COQ8A: variants seen among roughly 807,000 people sequenced by gnomAD.
COQ8A encodes coenzyme Q8A.
A neutral mutation model predicts 65.0 loss-of-function variants in COQ8A; 51 were observed. The observed-to-expected ratio is 0.78, with a 90% CI of 0.63 to 0.99. The LOEUF is 0.99. Ranked by LOEUF, COQ8A falls within the 50% of genes least tolerant of loss-of-function variation. COQ8A has a pLI of 0.00. For synonymous variants in COQ8A, 371 were observed against 353.2 expected, an observed-to-expected ratio of 1.05 and a Z score of -0.57; for missense variants, 940 against 875.0, an observed-to-expected ratio of 1.07 and a Z score of -0.94.
chr1:226,961,679 GCCCACCAGCTAATGTGT>G (rs1160786857), intron 2 of COQ8A, 117 bp downstream of exon 2: 1 of 1,275,882 alleles, frequency 7.8e-7, no homozygotes, highest in Non-Finnish European at 1.1e-6. Flanking sequence ...GGGCCTGAGG[GCCCACCAGCTAATGTGT>G]CCCACGGTCC....
At position 226,983,568 on chromosome 1, in the gene COQ8A, A is replaced by G. The variant is rs759470563; in HGVS notation, c.1097A>G (p.Gln366Arg). 11 of 1,613,806 alleles carry G rather than the reference A, an allele frequency of 6.8e-6. No homozygotes were observed. The African/African-American group carries it at 1.3e-4, about 20-fold the overall frequency. Residue 366 changes from glutamine (Q) to arginine (R), a missense_variant, in exon 9 of 15, where the codon CAG becomes CGG. Coordinates refer to ENST00000366777, the MANE Select transcript of COQ8A (RefSeq NM_020247.5). ...AMKIQYPGVA[Q>R]SINSDVNNLM... The stretch of plus-strand genomic sequence containing the variant: ...CCCCCACAGTACCCTGGCGTGGCCC[A>G]GAGCATCAACAGTGATGTCAACAAC...
At chr1:226,986,130 G>T (rs1660093223) in intron 14 of COQ8A, among the ~76,000 whole-genome samples, 1 of 152,152 alleles carries the variant, frequency 6.6e-6, no homozygotes, top group Non-Finnish European at 1.5e-5. Flanking sequence ...GGGAGGCCCT[G>T]CCAGCTTAGG....
intron 1 of COQ8A, among the ~76,000 whole-genome samples, chr1:226,945,986 T>G (rs1657018370): frequency 6.6e-6 from 1 of 152,064 alleles, no homozygotes; most frequent in African/African-American, 2.4e-5. Flanking sequence ...GTTCCCCTGG[T>G]GCTCAGCCTC....
At chr1:226,969,909 C>A (rs753416932) in intron 4 of COQ8A, among the ~76,000 whole-genome samples, 4 of 152,148 alleles carry the variant, frequency 2.6e-5, no homozygotes, top group Non-Finnish European at 4.4e-5. Flanking sequence ...TTATGTCCCC[C>A]TTTTTCTCAC....
At chr1:226,982,003 G>T in intron 5 of COQ8A, 24 bp from the exon 6 acceptor site, 1 of 1,612,864 alleles carries the variant, frequency 6.2e-7, no homozygotes, top group Non-Finnish European at 8.5e-7. Flanking sequence ...GAGTGCCGTG[G>T]TGACCCCTCT....
rs757723063 is a variant in COQ8A at position 226,986,645 on chromosome 1, C to T, written c.1852C>T (p.Leu618Phe). ...SLHRKMGGSF[L>F]ICSKLKARFP... Reference sequence around the variant, plus strand: ...GCACAGGAAGATGGGGGGCTCCTTCCTCATCTGCTCCAAGCTGAAGGCCCG... The same window carrying T: ...GCACAGGAAGATGGGGGGCTCCTTCTTCATCTGCTCCAAGCTGAAGGCCCG... The change falls in exon 15 of 15, where the codon CTC becomes TTC. Residue 618 changes from leucine (L) to phenylalanine (F), a missense_variant. By Grantham distance (22) the Leu-to-Phe change is conservative (BLOSUM62 0). Transcript: ENST00000366777. 1.2e-5 allele frequency: 19 copies of T among 1,614,100 alleles called. No individual in the cohort carries two copies. Among genetic ancestry groups the T allele is most frequent in the Non-Finnish European group, 1.4e-5 (17 of 1,180,028 alleles).
intron 10 of COQ8A, 59 bp from the exon 11 acceptor site, chr1:226,984,035 G>T (rs1049464882): frequency 5.6e-5 from 69 of 1,242,200 alleles, no homozygotes; most frequent in African/African-American, 3.0e-4. Context: ...GGGTGTGTGT[G>T]GGGGGGGGGA....
chr1:226,979,932 A>G lies in COQ8A; in HGVS notation c.731-2095A>G, dbSNP rs562636659. ...TCCTCTCCAAAGCTGGCTGTTCTCC[A>G]GACTACCTCATCCAAGCAGGGAAGA... On this transcript the variant is annotated intron_variant, in intron 5 of 14. Transcript: ENST00000366777. Among the ~76,000 whole-genome samples the G allele has an allele frequency of 3.3e-5, 5 of 152,304 alleles. No individual in the cohort carries two copies. The East Asian group carries it at 9.7e-4, about 29-fold the overall frequency.
Position 226,955,357 on chromosome 1 carries a change from T to TCACTCTCCCTGGCTCC in COQ8A, c.-9-5989_-9-5974dup, listed in dbSNP as rs1386174787. Among the ~76,000 whole-genome samples the TCACTCTCCCTGGCTCC allele has an allele frequency of 9.4e-4, 138 of 146,220 alleles. 3 individuals are homozygous for TCACTCTCCCTGGCTCC. The highest frequency in any genetic ancestry group is 2.9e-3 in the African/African-American group (112 of 39,154). On this transcript the variant is annotated intron_variant, in intron 1 of 14. Coordinates refer to ENST00000366777, the MANE Select transcript of COQ8A (RefSeq NM_020247.5). ...CTCCCTGGCTCCCGCTTTTCCTGGTTCACTCTCCCTGGCTCCCACTCTCCC... is the reference window on the plus strand; with the variant it reads ...CTCCCTGGCTCCCGCTTTTCCTGGTTCACTCTCCCTGGCTCCCACTCTCCCTGGCTCCCACTCTCCC...
chr1:226,971,436 C>A (rs1238957984), intron 4 of COQ8A, among the ~76,000 whole-genome samples: 1 of 151,768 alleles, frequency 6.6e-6, no homozygotes, highest in African/African-American at 2.4e-5. Context: ...CCTGTAATCC[C>A]AGCTACTTGG....
intron 1 of COQ8A, among the ~76,000 whole-genome samples, chr1:226,955,137 G>C (rs561871834): frequency 1.3e-5 from 2 of 152,202 alleles, no homozygotes; most frequent in African/African-American, 4.8e-5. Flanking sequence ...GAGGGCAAGG[G>C]AGGAGGCTTG....
rs146354913 is a variant in COQ8A, at chr1:226,967,810, G to A, written c.655+2073G>A. Among the ~76,000 whole-genome samples the A allele has an allele frequency of 2.6e-5, 4 of 152,324 alleles. No individual in the cohort carries two copies. In the East Asian group the frequency reaches 5.8e-4, roughly 22 times the overall value. On this transcript the variant is annotated intron_variant, in intron 4 of 14. Coordinates refer to ENST00000366777, the MANE Select transcript of COQ8A (RefSeq NM_020247.5). ...CGGAGCCATCTGTGGGTGTCTGTGT[G>A]CTGGAGGATTGCCCACAGCTATGAT...
chr1:226,953,493 G>A (rs1657514050), intron 1 of COQ8A, among the ~76,000 whole-genome samples: 1 of 152,254 alleles, frequency 6.6e-6, no homozygotes, highest in African/African-American at 2.4e-5. Flanking sequence ...AGGGCCTGAG[G>A]AGAAGGGGAG....
intron 12 of COQ8A, 85 bp from the exon 13 acceptor site, chr1:226,984,791 C>A: frequency 6.6e-7 from 1 of 1,511,346 alleles, no homozygotes; most frequent in Non-Finnish European, 9.2e-7. Context: ...ATCCTCACTG[C>A]CCTCTGTTGC....
chr1:226,965,004 A>C lies in COQ8A; in HGVS notation c.182A>C (p.Gln61Pro), dbSNP rs755645245. The change falls in exon 3 of 15, where the codon CAG (glutamine) becomes CCG (proline). Residue 61 changes from glutamine to proline, a missense_variant. Transcript: ENST00000366777. ...IGMFLGKVQG[Q>P]DKHEEYFAEN... ...GCTGGCCTTTGCTCCCTGCAGGGTC[A>C]GGATAAACATGAAGAATATTTTGCT... 6.2e-7 allele frequency: 1 copy of C among 1,613,990 alleles called. No homozygotes were observed.
At chr1:226,944,780 AGAGAGAGAGAGT>A (rs1656926766) in intron 1 of COQ8A, among the ~76,000 whole-genome samples, 1 of 89,164 alleles carries the variant, frequency 1.1e-5, no homozygotes, top group Non-Finnish European at 2.4e-5. Context: ...AGAGAGAGTG[AGAGAGAGAGAGT>A]GTGTGTGTAT....
At position 226,982,891 on chromosome 1, in the gene COQ8A, C is replaced by T. The variant is rs201362709; in HGVS notation, c.940-3C>T. 4 of 1,612,762 alleles carry T rather than the reference C, an allele frequency of 2.5e-6. No homozygotes were observed. Among genetic ancestry groups the T allele is most frequent in the South Asian group, 1.1e-5 (1 of 91,062 alleles). ...AGAGCCCCTCCCTGGCCCTGCCCTT[C>T]AGAAAACTCTCAACAACGACCTGGG... On this transcript the variant is annotated splice_region_variant and splice_polypyrimidine_tract_variant and intron_variant, in intron 7 of 14. Transcript: ENST00000366777.
At chr1:226,940,468 A>T (rs1241602088) in intron 1 of COQ8A, 69 bp downstream of exon 1, 1 of 152,258 alleles carries the variant, frequency 6.6e-6, no homozygotes, top group Non-Finnish European at 1.5e-5. Flanking sequence ...GCTGGGGTCA[A>T]CACCCACCTC....
intron 1 of COQ8A, among the ~76,000 whole-genome samples, chr1:226,954,942 A>G (rs1374412852): frequency 6.6e-6 from 1 of 151,960 alleles, no homozygotes; most frequent in East Asian, 1.9e-4. Flanking sequence ...TTCCCAGAAG[A>G]GGTGATGTTG....
Sources: gnomAD v4.1 joint callset for allele counts (sites outside exome capture counted in the v4.1 genomes callset) on GRCh38, gnomAD v4.1.1 for gene constraint, MANE v1.5 for transcripts, NCBI Gene and HGNC (gene_info 2026-07-23, HGNC 2026-07-21) for gene names.